Variants in CPXM2 observed in about 807,000 individuals in gnomAD.
CPXM2 encodes the protein inactive carboxypeptidase-like protein X2.
A neutral mutation model predicts 86.1 loss-of-function variants in CPXM2; 66 were observed. The ratio of observed to expected loss-of-function variants is 0.77; its 90% CI spans 0.63 to 0.94. The LOEUF (loss-of-function observed/expected upper bound fraction) is 0.94. Among genes scored for constraint, CPXM2 ranks in the 40% least tolerant of loss-of-function variants. The probability of loss-of-function intolerance (pLI) is 0.00; values close to 1 mark genes in which losing one functional copy is unlikely to be tolerated. For missense variants in CPXM2, 948 were observed against 1,026.3 expected, an observed-to-expected ratio of 0.92 and a Z score of 1.04; for synonymous variants, 388 against 400.2, an observed-to-expected ratio of 0.97 and a Z score of 0.36.
At chr10:123,787,663 G>T (rs1246807163) in intron 6 of CPXM2, among the ~76,000 whole-genome samples, 2 of 152,278 alleles carry the variant, frequency 1.3e-5, no homozygotes, top group East Asian at 3.9e-4. Context: ...ATTTTGGGCT[G>T]CTCTGCTTGC....
At position 123,852,920 on chromosome 10, in the gene CPXM2, C is replaced by G. The variant is rs1848635525; in HGVS notation, c.513+9694G>C. Among the ~76,000 whole-genome samples the G allele has an allele frequency of 2.6e-5, 4 of 152,158 alleles. No homozygotes were observed. The South Asian group carries it at 8.3e-4, about 32-fold the overall frequency. ...ATAGTACGTGCCACCTTCTAACATA[C>G]TATAATAGTAAACACTATGATTTGT... is the stretch of plus-strand genomic sequence containing the variant. On this transcript the variant is annotated intron_variant, in intron 3 of 13. Transcript: ENST00000241305.
chr10:123,854,405 AT>A (rs1848672731), intron 3 of CPXM2, among the ~76,000 whole-genome samples: 1 of 122,084 alleles, frequency 8.2e-6, no homozygotes, highest in Non-Finnish European at 1.6e-5. Flanking sequence ...TTATATATAT[AT>A]TATATATAAA....
At chr10:123,762,701 C>T (rs920168919) in intron 10 of CPXM2, among the ~76,000 whole-genome samples, 7 of 151,942 alleles carry the variant, frequency 4.6e-5, no homozygotes, top group Middle Eastern at 3.2e-3. Context: ...TGTTTGACAT[C>T]GTTTAAGAAT....
At chr10:123,867,296 C>T (rs1944806967) in intron 2 of CPXM2, among the ~76,000 whole-genome samples, 1 of 152,166 alleles carries the variant, frequency 6.6e-6, no homozygotes, top group East Asian at 1.9e-4. Flanking sequence ...GGAATCTCCA[C>T]ATTTAGAAAA....
chr10:123,807,663 A>C (rs1350679613), intron 4 of CPXM2, among the ~76,000 whole-genome samples: 1 of 152,236 alleles, frequency 6.6e-6, no homozygotes, highest in Non-Finnish European at 1.5e-5. Context: ...TGCGTGGCTT[A>C]GATGGAAAAG....
rs1945594571 is a variant in CPXM2 at position 123,923,503 on chromosome 10, C to T, written n.174+15974G>A. ...GGCTGAGGCAGGAGAATGGCGTGAA[C>T]CCGGGAGGCGGAGCTTGCAGTGAGC... On this transcript the variant is annotated intron_variant and non_coding_transcript_variant, in intron 2 of 19. Coordinates refer to the CPXM2 transcript ENST00000368854. Among the ~76,000 whole-genome samples the T allele has an allele frequency of 1.3e-5, 2 of 151,268 alleles. 1 individual carries two copies. The highest frequency in any genetic ancestry group is 2.9e-5 in the Non-Finnish European group (2 of 67,832).
At position 123,779,586 on chromosome 10, in the gene CPXM2, C is replaced by T. The variant is rs576388663; in HGVS notation, c.978+581G>A. ...GGATTCTACTTTAATTGGCCTGAGA[C>T]GGGGCTCAATTATCAGTAGCTTCAC... On this transcript the variant is annotated intron_variant, in intron 7 of 13. Coordinates refer to ENST00000241305, the MANE Select transcript of CPXM2 (RefSeq NM_198148.3). Among the ~76,000 whole-genome samples the T allele has an allele frequency of 1.1e-4, 17 of 152,322 alleles. No individual in the cohort carries two copies. The South Asian group carries it at 2.5e-3, about 22-fold the overall frequency.
chr10:123,906,668 A>G (rs1160850709), intron 2 of CPXM2, among the ~76,000 whole-genome samples: 1 of 152,190 alleles, frequency 6.6e-6, no homozygotes, highest in African/African-American at 2.4e-5. Context: ...ATTTCGCCTC[A>G]TGTGCCCTGA....
At chr10:123,923,695 C>G (rs959058517) in intron 2 of CPXM2, among the ~76,000 whole-genome samples, 6 of 152,216 alleles carry the variant, frequency 3.9e-5, no homozygotes, top group Non-Finnish European at 8.8e-5. Flanking sequence ...TTGTAGCTCC[C>G]ATTATTCCCT....
At chr10:123,833,252 T>C (rs1035747486) in intron 4 of CPXM2, among the ~76,000 whole-genome samples, 3 of 152,140 alleles carry the variant, frequency 2.0e-5, no homozygotes, top group Admixed American at 1.3e-4. Context: ...ATGAACAGCA[T>C]AGGAGGTAAC....
At chr10:123,747,100 T>TG (rs1431971163) in intron 13 of CPXM2, 83 bp from the exon 14 acceptor site, 1 of 1,503,700 alleles carries the variant, frequency 6.7e-7, no homozygotes, top group Non-Finnish European at 9.0e-7. Context: ...ACCAGCTCCC[T>TG]GGGCCAGAGA....
Position 123,781,431 on chromosome 10 carries a change from C to T in CPXM2, c.890-1176G>A, listed in dbSNP as rs183631080. ...TGGGAAGAGACCACTCCATCTGCCT[C>T]GAGGTCCCCCAGCCAGCCTGGTGGC... is the stretch of plus-strand genomic sequence containing the variant. On this transcript the variant is annotated intron_variant, in intron 6 of 13. Coordinates refer to ENST00000241305, the MANE Select transcript of CPXM2 (RefSeq NM_198148.3). 5.3e-5 allele frequency among the ~76,000 whole-genome samples: 8 copies of T among 152,308 alleles called. No individual in the cohort carries two copies. In the East Asian group the frequency reaches 1.2e-3, roughly 22 times the overall value.
chr10:123,890,299 C>T (rs946190680), intron 1 of CPXM2, among the ~76,000 whole-genome samples: 1 of 152,192 alleles, frequency 6.6e-6, no homozygotes, highest in Non-Finnish European at 1.5e-5. Flanking sequence ...CAAAGTTGTC[C>T]ACAAATGGAA....
chr10:123,880,073 C>T lies in CPXM2; in HGVS notation c.403+138G>A, dbSNP rs560202594. Reference sequence around the variant, plus strand: ...ATGTTCTCGCCCCCGCACCATGGATCGGAATAGACAGCAGGCCCCAGGCAG... The same window carrying T: ...ATGTTCTCGCCCCCGCACCATGGATTGGAATAGACAGCAGGCCCCAGGCAG... On this transcript the variant is annotated intron_variant, in intron 2 of 13. Transcript: ENST00000241305. The T allele has an allele frequency of 2.0e-5, 12 of 595,018 alleles. No homozygotes were observed. The East Asian group carries it at 3.3e-4, about 16-fold the overall frequency. 36.9% of individuals were successfully genotyped at this position (595,018 alleles called of 1,614,324 possible).
chr10:123,860,966 A>G (rs1293051034), intron 3 of CPXM2, among the ~76,000 whole-genome samples: 1 of 152,186 alleles, frequency 6.6e-6, no homozygotes, highest in East Asian at 1.9e-4. Flanking sequence ...GAGGTTAAGC[A>G]GTTCGAAAGT....
At chr10:123,832,349 A>C (rs923631954) in intron 4 of CPXM2, among the ~76,000 whole-genome samples, 2 of 145,910 alleles carry the variant, frequency 1.4e-5, no homozygotes, top group African/African-American at 5.1e-5. Flanking sequence ...CTACACTTGC[A>C]CAGGCCTCAC....
chr10:123,863,298 T>C (rs1274695133), intron 2 of CPXM2, among the ~76,000 whole-genome samples: 1 of 152,206 alleles, frequency 6.6e-6, no homozygotes, highest in Non-Finnish European at 1.5e-5. Context: ...TCTGGGCTGC[T>C]GTTTGCCCCC....
chr10:123,841,726 T>C, intron 4 of CPXM2, among the ~76,000 whole-genome samples: 1 of 152,244 alleles, frequency 6.6e-6, no homozygotes, highest in East Asian at 1.9e-4. Flanking sequence ...ACTGTATGCA[T>C]ATGTCATAAG....
intron 2 of CPXM2, among the ~76,000 whole-genome samples, chr10:123,866,401 T>TA (rs34862225): frequency 1.4e-4 from 21 of 151,734 alleles, no homozygotes; most frequent in Non-Finnish European, 2.9e-4. Flanking sequence ...CCATCTCTAC[T>TA]AAAAAATACA....
Sources: gnomAD v4.1 joint callset for allele counts (sites outside exome capture counted in the v4.1 genomes callset) on GRCh38, gnomAD v4.1.1 for gene constraint, MANE v1.5 for transcripts, NCBI Gene and HGNC (gene_info 2026-07-23, HGNC 2026-07-21) for gene names.